The following NCAPG2 variants were observed in gnomAD, a reference collection of about 807,000 sequenced individuals.
NCAPG2 encodes non-SMC condensin II complex subunit G2, also known as condensin-2 complex subunit G2.
A neutral mutation model predicts 141.1 loss-of-function variants in NCAPG2; 53 were observed. The observed-to-expected ratio is 0.38, with a 90% confidence interval of 0.30 to 0.47. The LOEUF (loss-of-function observed/expected upper bound fraction) is 0.47. Among genes scored for constraint, NCAPG2 ranks in the 20% least tolerant of loss-of-function variants. NCAPG2 has a pLI of 0.99. For synonymous variants in NCAPG2, 499 were observed against 490.7 expected, an observed-to-expected ratio of 1.02 and a Z score of -0.22; for missense variants, 1,087 against 1,389.0, an observed-to-expected ratio of 0.78 and a Z score of 3.46.
At chr7:158,646,436 G>A (rs1831024385) in intron 25 of NCAPG2, 24 bp downstream of exon 25, 1 of 1,549,304 alleles carries the variant, frequency 6.5e-7, no homozygotes. Flanking sequence ...GAGCATTTCA[G>A]GACAGTAAAG....
rs185152800 is a variant in NCAPG2 at position 158,683,236 on chromosome 7, A to G, written c.924+64T>C. On this transcript the variant is annotated intron_variant, in intron 9 of 27. Transcript: ENST00000356309. ...AAGCTTAATTTTAAAATTTAACCAA[A>G]ACAATTATCTAAAAACAAAACAGAG... 10 of 1,315,730 alleles carry G rather than the reference A, an allele frequency of 7.6e-6. No homozygotes were observed. In the Admixed American group the frequency reaches 2.3e-4, roughly 31 times the overall value. 81.5% of individuals were successfully genotyped at this position (1,315,730 alleles called of 1,614,324 possible).
Position 158,690,620 on chromosome 7 carries a change from G to C in NCAPG2, c.485C>G (p.Thr162Arg). 1 of 1,614,134 alleles carries C rather than the reference G, an allele frequency of 6.2e-7. No homozygotes were observed. Among genetic ancestry groups the C allele is most frequent in the Non-Finnish European group, 8.5e-7 (1 of 1,180,008 alleles). The change falls in exon 5 of 28, where the codon ACA becomes AGA. Residue 162 changes from threonine to arginine, a missense_variant. Coordinates refer to ENST00000356309, the MANE Select transcript of NCAPG2 (RefSeq NM_017760.7). ...TAACATGACAAAGGCTGTCTTTCCT[G>C]TGTCTTCCTTGGCAGGCAGGCCTTT... ...WEKGLPAKED[T>R]GKTAFVMLLR...
chr7:158,656,826 T>G (rs1832016668), intron 17 of NCAPG2, 121 bp from the exon 18 acceptor site: 1 of 1,158,848 alleles, frequency 8.6e-7, no homozygotes, highest in Non-Finnish European at 1.2e-6. Context: ...GTTATTATAT[T>G]AGCACTTCCA....
Position 158,693,381 on chromosome 7 carries a change from G to T in NCAPG2, c.195C>A (p.Ser65Arg). 6.2e-7 allele frequency: 1 copy of T among 1,614,104 alleles called. No individual in the cohort carries two copies. The highest frequency in any genetic ancestry group is 8.5e-7 in the Non-Finnish European group (1 of 1,180,004). Residue 65 changes from serine (S) to arginine (R), a missense_variant, in exon 3 of 28, where the codon AGC (serine) becomes AGA (arginine). Ser to Arg is a moderately radical substitution (Grantham distance 110). Coordinates refer to ENST00000356309, the MANE Select transcript of NCAPG2 (RefSeq NM_017760.7). ...CCACTACCTGCCACCCATCCACTGG[G>T]CTTTCTAACAACACATCTGTCAATA... ...KNLLTDVLLE[S>R]PVDGWQVVEA... is the part of the protein sequence containing the mutation.
chr7:158,668,805 C>A (rs773179578), intron 13 of NCAPG2, among the ~76,000 whole-genome samples: 9 of 152,110 alleles, frequency 5.9e-5, no homozygotes, highest in Admixed American at 2.0e-4. Context: ...GCAGGATGTG[C>A]AGGTTTGTTA....
intron 13 of NCAPG2, among the ~76,000 whole-genome samples, chr7:158,670,615 C>T (rs1833625001): frequency 6.6e-6 from 1 of 152,184 alleles, no homozygotes; most frequent in Admixed American, 6.5e-5. Context: ...GGATATTTTA[C>T]CCATATCTGA....
In NCAPG2 at chr7:158,633,650, G is replaced by A. The variant is rs564209286; in HGVS notation, c.3381-1933C>T. On this transcript the variant is annotated intron_variant, in intron 27 of 27. Transcript: ENST00000356309. The surrounding 1 kb of genome is among the most constrained non-coding windows in gnomAD (Gnocchi z 4.1). Reference sequence around the variant, plus strand: ...GCTCTCTGTCCACAGACCAGGTTCCGCCCACCTGTCAGCCCAGCAACTGCC... The same window carrying A: ...GCTCTCTGTCCACAGACCAGGTTCCACCCACCTGTCAGCCCAGCAACTGCC... 1.3e-5 allele frequency among the ~76,000 whole-genome samples: 2 copies of A among 152,294 alleles called. No individual in the cohort carries two copies. Among genetic ancestry groups the A allele is most frequent in the South Asian group, 2.1e-4 (1 of 4,828 alleles).
At chr7:158,640,443 G>A (rs969653151) in intron 27 of NCAPG2, 1 of 152,188 alleles carries the variant, frequency 6.6e-6, no homozygotes, top group African/African-American at 2.4e-5. Context: ...TGAGGTACAA[G>A]AATCGTTTGA....
intron 25 of NCAPG2, 135 bp from the exon 26 acceptor site, chr7:158,645,754 C>T: frequency 2.8e-6 from 2 of 706,410 alleles, no homozygotes; most frequent in Non-Finnish European, 4.8e-6. Flanking sequence ...ACTGAACTCA[C>T]CCCATGCTTT....
chr7:158,663,444 T>C (rs943755297), intron 15 of NCAPG2, among the ~76,000 whole-genome samples: 2 of 152,244 alleles, frequency 1.3e-5, no homozygotes, highest in Admixed American at 6.5e-5. Context: ...ACTGAGGGGC[T>C]GGGCTGGTGG....
chr7:158,655,343 T>C lies in NCAPG2; in HGVS notation c.2501A>G (p.His834Arg). The change falls in exon 20 of 28, where the codon CAC becomes CGC. Residue 834 changes from histidine (H) to arginine (R), a missense_variant. Transcript: ENST00000356309. Reference sequence around the variant, plus strand: ...GAGGGCCAGGAGCAGGCACACCTTGTGCTGAAGATGGATGCTCAGGCGACA... The same window carrying C: ...GAGGGCCAGGAGCAGGCACACCTTGCGCTGAAGATGGATGCTCAGGCGACA... ...LHCRLSIHLQ[H>R]KFCSEGKVYL... The C allele has an allele frequency of 6.2e-7, 1 of 1,614,210 alleles. No homozygotes were observed. The highest frequency in any genetic ancestry group is 8.5e-7 in the Non-Finnish European group (1 of 1,180,040).
chr7:158,632,882 C>G (rs1368973306), intron 27 of NCAPG2, among the ~76,000 whole-genome samples: 2 of 152,162 alleles, frequency 1.3e-5, no homozygotes, highest in Admixed American at 6.5e-5. Context: ...AGTTCACATT[C>G]TCTTTTCCAT....
intron 27 of NCAPG2, among the ~76,000 whole-genome samples, chr7:158,636,630 G>A (rs1056864990): frequency 2.0e-5 from 3 of 152,058 alleles, no homozygotes; most frequent in Non-Finnish European, 2.9e-5. Context: ...TTGAACTCCC[G>A]ACCTCAGGTG....
intron 16 of NCAPG2, among the ~76,000 whole-genome samples, chr7:158,659,230 G>C (rs988957158): frequency 9.9e-5 from 15 of 151,222 alleles, no homozygotes; most frequent in African/African-American, 3.7e-4. Context: ...TCGGAAGGCT[G>C]GGGCAGAAGA....
rs1834748652 is a variant in NCAPG2 at position 158,686,256 on chromosome 7, C to G, written c.768-15G>C. The G allele has an allele frequency of 1.4e-6, 2 of 1,428,386 alleles. No homozygotes were observed. The highest frequency in any genetic ancestry group is 2.9e-5 in the African/African-American group (2 of 68,254). 88.5% of individuals were successfully genotyped at this position (1,428,386 alleles called of 1,614,324 possible). A position where few individuals can be genotyped will look rare whatever the true frequency, so the allele number is the denominator to read the frequency against. On this transcript the variant is annotated splice_polypyrimidine_tract_variant and intron_variant, in intron 7 of 27. Coordinates refer to ENST00000356309, the MANE Select transcript of NCAPG2 (RefSeq NM_017760.7). ...CCATCAAAGACCTATATAAAAAGAT[C>G]AAAATAGTTTTAATGCAAATTTTAA...
At chr7:158,646,423 G>A (rs756513319) in intron 25 of NCAPG2, 37 bp downstream of exon 25, 13 of 1,498,548 alleles carry the variant, frequency 8.7e-6, no homozygotes, top group Middle Eastern at 3.4e-4. Context: ...TTACAGCCAC[G>A]ATGAGCATTT....
intron 6 of NCAPG2, among the ~76,000 whole-genome samples, chr7:158,688,367 CA>C (rs924800405): frequency 6.6e-6 from 1 of 152,074 alleles, no homozygotes; most frequent in Non-Finnish European, 1.5e-5. Context: ...CACATACATA[CA>C]TTTATGTCTG....
Position 158,671,585 on chromosome 7 carries a change from C to T in NCAPG2, c.1408G>A (p.Asp470Asn), listed in dbSNP as rs909521812. 3 of 1,614,176 alleles carry T rather than the reference C, an allele frequency of 1.9e-6. No homozygotes were observed. The highest frequency in any genetic ancestry group is 3.3e-5 in the Admixed American group (2 of 60,034). The change falls in exon 13 of 28, where the codon GAC (aspartate) becomes AAC (asparagine). Residue 470 changes from aspartate to asparagine, a missense_variant. Asp to Asn is a conservative substitution (Grantham distance 23). Coordinates refer to ENST00000356309, the MANE Select transcript of NCAPG2 (RefSeq NM_017760.7). The part of the protein sequence containing the change: ...LLPALRYSLH[D>N]NSEKVRVAFV... ...GCTACCCTCACTTTCTCCGAATTGT[C>T]GTGGAGACTGTATCTGAGAGCTGGA...
Position 158,701,853 on chromosome 7 carries a change from A to G in NCAPG2, c.47T>C (p.Val16Ala). The part of the protein sequence containing the change: ...TFVQAVSKEL[V>A]GEFLQFVQLD... ...TTGAACAAATTGCAAAAACTCTCCA[A>G]CCAGCTCCTTAGACACGGCTTGTAC... The change falls in exon 2 of 28, where the codon GTT becomes GCT. Residue 16 changes from valine to alanine, a missense_variant. Transcript: ENST00000356309. The G allele has an allele frequency of 1.9e-6, 3 of 1,613,756 alleles. No homozygotes were observed. Among genetic ancestry groups the G allele is most frequent in the Non-Finnish European group, 2.5e-6 (3 of 1,179,946 alleles).
Sources: gnomAD v4.1 joint callset for allele counts (sites outside exome capture counted in the v4.1 genomes callset) on GRCh38, gnomAD v4.1.1 for gene constraint, Gnocchi (gnomAD v3.1) non-coding constraint, MANE v1.5 for transcripts, NCBI Gene and HGNC (gene_info 2026-07-23, HGNC 2026-07-21) for gene names.